PAK2: variants seen among roughly 807,000 people sequenced by gnomAD.
The protein encoded by PAK2 is serine/threonine-protein kinase PAK 2.
In PAK2, 21 loss-of-function variants were observed where a neutral mutation model predicts 65.9. The ratio of observed to expected loss-of-function variants is 0.32; its 90% CI spans 0.23 to 0.46. The LOEUF (loss-of-function observed/expected upper bound fraction) is 0.46, where lower values mean the gene tolerates loss of function less well. Among genes scored for constraint, PAK2 ranks in the 20% least tolerant of loss-of-function variants. The pLI is 1.00. For synonymous variants in PAK2, 204 were observed against 219.7 expected (o/e 0.93, Z 0.63); for missense variants, 324 against 642.6 (o/e 0.50, Z 5.36).
At chr3:196,827,622 A>T (rs546230387) in intron 14 of PAK2, among the ~76,000 whole-genome samples, 54 of 151,900 alleles carry the variant, frequency 3.6e-4, no homozygotes, top group African/African-American at 1.2e-3. Context: ...GGGAGTGGGG[A>T]GGGATAGCAT....
chr3:196,801,354 C>T lies in PAK2; in HGVS notation c.188-573C>T, dbSNP rs75141436. On this transcript the variant is annotated intron_variant, in intron 2 of 14. Coordinates refer to ENST00000327134, the MANE Select transcript of PAK2 (RefSeq NM_002577.4). ...TTCTGCCTGTGCTCTGTTACTCAGG[C>T]CTGCCGTTGGTCACTCCATGTGCCT... is the stretch of plus-strand genomic sequence containing the variant. 5.4e-4 allele frequency among the ~76,000 whole-genome samples: 82 copies of T among 152,232 alleles called. 1 individual carries two copies. In the East Asian group the frequency reaches 0.015, roughly 28 times the overall value.
intron 11 of PAK2, among the ~76,000 whole-genome samples, chr3:196,817,754 C>T (rs181412633): frequency 2.0e-4 from 31 of 152,228 alleles, no homozygotes; most frequent in Middle Eastern, 3.4e-3. Context: ...CTGTCTCACC[C>T]GGCCAGGAGG....
chr3:196,782,695 C>G lies in PAK2; in HGVS notation c.49C>G (p.Arg17Gly), dbSNP rs764446980. The part of the protein sequence containing the change: ...LEDKPPAPPV[R>G]MSSTIFSTGG... The stretch of plus-strand genomic sequence containing the variant: ...AGATAAGCCTCCAGCACCTCCTGTG[C>G]GAATGAGCAGCACCATCTTTAGCAC... The change falls in exon 2 of 15, where the codon CGA becomes GGA. Residue 17 changes from arginine (R) to glycine (G), a missense_variant. Physicochemically the swap from Arg to Gly is moderately radical, Grantham distance 125. This residue lies in a region of PAK2 where 42 missense variants were observed against 67.4 expected (regional missense o/e 0.62). Transcript: ENST00000327134. 1 of 1,610,426 alleles carries G rather than the reference C, an allele frequency of 6.2e-7. No homozygotes were observed. The highest frequency in any genetic ancestry group is 8.5e-7 in the Non-Finnish European group (1 of 1,177,130).
chr3:196,754,045 C>T (rs1713693701), intron 1 of PAK2, among the ~76,000 whole-genome samples: 1 of 152,038 alleles, frequency 6.6e-6, no homozygotes, highest in African/African-American at 2.4e-5. Flanking sequence ...TTTGATTTTT[C>T]TTTTTCACTT....
chr3:196,772,744 T>C (rs1398133543), intron 1 of PAK2, among the ~76,000 whole-genome samples: 1 of 152,106 alleles, frequency 6.6e-6, no homozygotes, highest in Non-Finnish European at 1.5e-5. Context: ...CATCTGAGGC[T>C]CTTTTGTGTT....
intron 1 of PAK2, among the ~76,000 whole-genome samples, chr3:196,766,712 T>C (rs1466075857): frequency 6.6e-6 from 1 of 152,100 alleles, no homozygotes; most frequent in Non-Finnish European, 1.5e-5. Context: ...AGTAACTATT[T>C]TTTAAAATTT....
At chr3:196,767,523 C>CTT (rs1714210330) in intron 1 of PAK2, among the ~76,000 whole-genome samples, 1 of 152,142 alleles carries the variant, frequency 6.6e-6, no homozygotes, top group Non-Finnish European at 1.5e-5. Context: ...GAGTCTTGCT[C>CTT]TGTCACCCAG....
At position 196,818,061 on chromosome 3, in the gene PAK2, T is replaced by C. The variant is rs1223562072; in HGVS notation, c.1058T>C (p.Leu353Ser). ...AQIAAVCREC[L>S]QALEFLHANQ... ...AGGTGTTTTTCTTCTGTTCAGTGTT[T>C]ACAGGCATTGGAGTTTTTACATGCT... Residue 353 changes from leucine to serine, a missense_variant, in exon 12 of 15, where the codon TTA becomes TCA. Coordinates refer to ENST00000327134, the MANE Select transcript of PAK2 (RefSeq NM_002577.4). The C allele has an allele frequency of 3.7e-6, 5 of 1,362,794 alleles. No homozygotes were observed. The highest frequency in any genetic ancestry group is 5.2e-6 in the Non-Finnish European group (5 of 953,652). 84.4% of individuals were successfully genotyped at this position (1,362,794 alleles called of 1,614,324 possible).
intron 3 of PAK2, among the ~76,000 whole-genome samples, chr3:196,802,616 G>A (rs1191276935): frequency 6.6e-6 from 1 of 152,080 alleles, no homozygotes; most frequent in African/African-American, 2.4e-5. Flanking sequence ...AGGCCGAGGC[G>A]GGTGGATCAC....
chr3:196,753,380 G>T (rs112030771), intron 1 of PAK2, among the ~76,000 whole-genome samples: 25 of 152,064 alleles, frequency 1.6e-4, no homozygotes, highest in African/African-American at 6.0e-4. Context: ...GAGTAGCTGG[G>T]ACTACAGGCA....
chr3:196,802,425 T>G (rs920057469), intron 3 of PAK2, among the ~76,000 whole-genome samples: 5 of 152,044 alleles, frequency 3.3e-5, no homozygotes, highest in Non-Finnish European at 5.9e-5. Context: ...TTAACATTTC[T>G]ATCTATACGT....
At chr3:196,758,857 C>T (rs1474396917) in intron 1 of PAK2, among the ~76,000 whole-genome samples, 1 of 151,994 alleles carries the variant, frequency 6.6e-6, no homozygotes, top group Non-Finnish European at 1.5e-5. Context: ...ACAGTTTCAC[C>T]ATGTTGCCCA....
intron 5 of PAK2, among the ~76,000 whole-genome samples, 192 bp from the exon 6 acceptor site, chr3:196,806,384 CTTT>C (rs1715585326): frequency 6.6e-6 from 1 of 151,938 alleles, no homozygotes; most frequent in African/African-American, 2.4e-5. Context: ...ATTTCATAAA[CTTT>C]TTCATGATTC....
rs74795884 is a variant in PAK2 at position 196,750,631 on chromosome 3, C to T, written c.-22+10474C>T. Among the ~76,000 whole-genome samples, 626 of 151,576 alleles carry T rather than the reference C, an allele frequency of 4.1e-3. 6 individuals carry two copies. The highest frequency in any genetic ancestry group is 0.014 in the African/African-American group (589 of 41,382). On this transcript the variant is annotated intron_variant, in intron 1 of 14. Coordinates refer to ENST00000327134, the MANE Select transcript of PAK2 (RefSeq NM_002577.4). ...AATTATTCAACATTATCTTTCCTTG[C>T]TGTTTTTTGTTGTGTCTTTTTAAAA...
chr3:196,786,860 CTG>C (rs1345577614), intron 2 of PAK2, among the ~76,000 whole-genome samples: 3 of 150,906 alleles, frequency 2.0e-5, no homozygotes, highest in Non-Finnish European at 4.4e-5. Flanking sequence ...GGGTCTCACT[CTG>C]TGACCCAGGC....
chr3:196,785,823 C>G (rs891547753), intron 2 of PAK2, among the ~76,000 whole-genome samples: 1 of 152,132 alleles, frequency 6.6e-6, no homozygotes, highest in East Asian at 1.9e-4. Flanking sequence ...AGAGCTTGTG[C>G]AGGGAAACTC....
intron 11 of PAK2, 138 bp downstream of exon 11, chr3:196,814,706 T>G: frequency 1.6e-6 from 1 of 614,852 alleles, no homozygotes; most frequent in South Asian, 1.9e-5. Flanking sequence ...TTACTCCATC[T>G]CCGTGCCATT....
At position 196,812,840 on chromosome 3, in the gene PAK2, C is replaced by T; in HGVS notation, c.924C>T (p.Asn308=). ...MKELKNPNIV[N]FLDSYLVGDE... ...AATTGAAAAATCCCAACATCGTTAA[C>T]TTTTTGGACAGGTAAGTATGACTAT... Residue 308 remains asparagine, a synonymous_variant, in exon 10 of 15, where the codon AAC becomes AAT. Transcript: ENST00000327134. 1 of 1,421,624 alleles carries T rather than the reference C, an allele frequency of 7.0e-7. No individual in the cohort carries two copies. Among genetic ancestry groups the T allele is most frequent in the Non-Finnish European group, 9.9e-7 (1 of 1,006,052 alleles). The allele number at this position is 1,421,624 out of a possible 1,614,324, so 88.1% of individuals were successfully genotyped here. A position where few individuals can be genotyped will look rare whatever the true frequency, so the allele number is the denominator to read the frequency against.
At chr3:196,786,505 A>AT (rs1164708338) in intron 2 of PAK2, among the ~76,000 whole-genome samples, 2 of 151,908 alleles carry the variant, frequency 1.3e-5, no homozygotes, top group Admixed American at 6.6e-5. Context: ...TTTTTAAGAA[A>AT]TTTTTGTCTT....
Sources: allele counts gnomAD v4.1 joint callset (sites outside exome capture counted in the v4.1 genomes callset), GRCh38; gene constraint gnomAD v4.1.1; regional missense constraint gnomAD v4.1.1; transcripts MANE v1.5; gene names NCBI Gene and HGNC (gene_info 2026-07-23, HGNC 2026-07-21).